Variants in ATAD2 observed in about 807,000 individuals in gnomAD.
The protein encoded by ATAD2 is ATPase family AAA domain-containing protein 2.
In ATAD2, 62 loss-of-function variants were observed where a neutral mutation model predicts 168.9. That is an observed-to-expected ratio of 0.37 (90% confidence interval 0.30 to 0.45). The LOEUF is 0.45. Among genes scored for constraint, ATAD2 ranks in the 20% least tolerant of loss-of-function variants. The pLI, the probability that ATAD2 is intolerant of heterozygous loss-of-function variation, is 1.00. For synonymous variants in ATAD2, 613 were observed against 571.6 expected (o/e 1.07, Z -1.03); for missense variants, 1,419 against 1,667.8 (o/e 0.85, Z 2.60).
rs1263211716 is a variant in ATAD2, at chr8:123,328,421, T to A, written c.3637A>T (p.Asn1213Tyr). 1.3e-6 allele frequency: 2 copies of A among 1,585,722 alleles called. No homozygotes were observed. Among genetic ancestry groups the A allele is most frequent in the African/African-American group, 2.8e-5 (2 of 72,144 alleles). The change falls in exon 25 of 28, where the codon AAT becomes TAT. Residue 1213 changes from asparagine (N) to tyrosine (Y), a missense_variant. Coordinates refer to ENST00000287394, the MANE Select transcript of ATAD2 (RefSeq NM_014109.4). ...GACTCTCCTGTGTTTCCGGTCTCAT[T>A]ATGATCTACACTTGTGTCTTGAGTT... ...EETQDTSVDH[N>Y]ETGNTGESSV...
chr8:123,353,193 G>A (rs775971557), intron 13 of ATAD2, among the ~76,000 whole-genome samples: 6 of 152,086 alleles, frequency 3.9e-5, no homozygotes, highest in African/African-American at 7.2e-5. Context: ...GCAAAACCCC[G>A]TCTCTACTAA....
chr8:123,383,724 G>A (rs569316906), intron 1 of ATAD2, among the ~76,000 whole-genome samples: 3 of 151,552 alleles, frequency 2.0e-5, no homozygotes, highest in African/African-American at 7.3e-5. Context: ...GGTGAGCCGG[G>A]ATCGTGCCAT....
chr8:123,336,121 G>A (rs531528626), intron 22 of ATAD2, among the ~76,000 whole-genome samples: 1 of 152,198 alleles, frequency 6.6e-6, no homozygotes, highest in Admixed American at 6.5e-5. Context: ...TCATGTAATT[G>A]TTAATAAACA....
rs58362261 is a variant in ATAD2, at chr8:123,362,300, T to TA, written c.1050-655dup. Among the ~76,000 whole-genome samples, 153 of 133,734 alleles carry TA rather than the reference T, an allele frequency of 1.1e-3. 1 individual carries two copies. Among genetic ancestry groups the TA allele is most frequent in the South Asian group, 6.9e-3 (28 of 4,076 alleles). The allele number at this position is 133,734 out of a possible 152,430, so 87.7% of individuals were successfully genotyped here. A position where few individuals can be genotyped will look rare whatever the true frequency, so the allele number is the denominator to read the frequency against. On this transcript the variant is annotated intron_variant, in intron 8 of 27. Coordinates refer to ENST00000287394, the MANE Select transcript of ATAD2 (RefSeq NM_014109.4). Reference sequence around the variant, plus strand: ...GACAAAGTAAGCCCCTGCCTCTATCTAAAAAAAAAAAAAAAAAAGTATTTG... The same window carrying TA: ...GACAAAGTAAGCCCCTGCCTCTATCTAAAAAAAAAAAAAAAAAAAGTATTTG...
At chr8:123,372,717 A>C in intron 2 of ATAD2, 31 bp from the exon 3 acceptor site, 1 of 1,496,228 alleles carries the variant, frequency 6.7e-7, no homozygotes, top group Non-Finnish European at 9.1e-7. Flanking sequence ...TTAATTCAAA[A>C]TAATTGACAT....
At chr8:123,386,004 T>A (rs2129900144) in intron 1 of ATAD2, among the ~76,000 whole-genome samples, 1 of 150,388 alleles carries the variant, frequency 6.6e-6, no homozygotes, top group Admixed American at 6.6e-5. Flanking sequence ...TTCACACACA[T>A]TAGGATGGCT....
At chr8:123,409,759 G>C (rs190465165) in intron 1 of ATAD2, among the ~76,000 whole-genome samples, 153 of 151,932 alleles carry the variant, frequency 1.0e-3, no homozygotes, top group African/African-American at 3.6e-3. Flanking sequence ...CCTGGGGTTG[G>C]TTTAGTTTTG....
chr8:123,411,527 C>T (rs1052424839), intron 1 of ATAD2, among the ~76,000 whole-genome samples: 4 of 152,116 alleles, frequency 2.6e-5, no homozygotes, highest in Admixed American at 2.0e-4. Context: ...CCTTTAAACA[C>T]GGGGCTTGCA....
chr8:123,387,672 A>G (rs1367697849), intron 1 of ATAD2, among the ~76,000 whole-genome samples: 1 of 152,210 alleles, frequency 6.6e-6, no homozygotes, highest in African/African-American at 2.4e-5. Flanking sequence ...AAGAGAGGAA[A>G]TGTTAGTATT....
chr8:123,371,711 A>T lies in ATAD2; in HGVS notation c.495T>A (p.Ser165Arg). 1 of 1,613,360 alleles carries T rather than the reference A, an allele frequency of 6.2e-7. No homozygotes were observed. The highest frequency in any genetic ancestry group is 8.5e-7 in the Non-Finnish European group (1 of 1,179,718). The change falls in exon 4 of 28, where the codon AGT becomes AGA. Residue 165 changes from serine (S) to arginine (R), a missense_variant. Transcript: ENST00000287394. ...RRSCRIRSRY[S>R]GVNQSMLFDK... ...CAAACAGCATGGACTGGTTTACACCACTATAACGACTTCTAATCCTACAAC... is the reference window on the plus strand; with the variant it reads ...CAAACAGCATGGACTGGTTTACACCTCTATAACGACTTCTAATCCTACAAC...
At chr8:123,321,215 A>C in intron 27 of ATAD2, 40 bp from the exon 28 acceptor site, 1 of 1,528,948 alleles carries the variant, frequency 6.5e-7, no homozygotes, top group Non-Finnish European at 9.0e-7. Context: ...AAGTTTCAAT[A>C]TGGAATAAGC....
At chr8:123,336,573 A>G in intron 21 of ATAD2, 41 bp from the exon 22 acceptor site, 1 of 1,440,018 alleles carries the variant, frequency 6.9e-7, no homozygotes, top group Non-Finnish European at 9.1e-7. Context: ...AATTAACTCT[A>G]AACATAACAT....
At chr8:123,395,189 A>G (rs1812768173) in intron 1 of ATAD2, among the ~76,000 whole-genome samples, 1 of 151,890 alleles carries the variant, frequency 6.6e-6, no homozygotes. Flanking sequence ...TCACTCCAAC[A>G]CCTTCAGTCC....
intron 2 of ATAD2, among the ~76,000 whole-genome samples, chr8:123,380,147 G>C (rs928998632): frequency 1.3e-5 from 2 of 151,836 alleles, no homozygotes; most frequent in African/African-American, 4.8e-5. Flanking sequence ...CGCCTCCTGG[G>C]TTCACGCCAT....
intron 24 of ATAD2, among the ~76,000 whole-genome samples, chr8:123,332,182 T>G (rs1196740567): frequency 6.6e-6 from 1 of 152,216 alleles, no homozygotes; most frequent in Non-Finnish European, 1.5e-5. Flanking sequence ...TGATTCAATC[T>G]GCAAGTTTTT....
chr8:123,366,886 A>G (rs898657381), intron 8 of ATAD2, among the ~76,000 whole-genome samples: 1 of 152,196 alleles, frequency 6.6e-6, no homozygotes, highest in Non-Finnish European at 1.5e-5. Context: ...ACCTACGGAA[A>G]TAAAAAATTT....
intron 2 of ATAD2, among the ~76,000 whole-genome samples, chr8:123,380,153 G>A (rs576212686): frequency 7.9e-5 from 12 of 152,030 alleles, no homozygotes; most frequent in African/African-American, 2.2e-4. Flanking sequence ...CTGGGTTCAC[G>A]CCATTCTCCT....
intron 7 of ATAD2, 109 bp from the exon 8 acceptor site, chr8:123,369,284 T>C (rs1829068177): frequency 9.2e-6 from 3 of 326,148 alleles, no homozygotes; most frequent in Admixed American, 5.0e-5. Flanking sequence ...AAGGTGCTTA[T>C]CGCCTTCCAT....
In ATAD2 at chr8:123,334,235, A is replaced by T; in HGVS notation, c.3299T>A (p.Leu1100His). Residue 1100 changes from leucine (L) to histidine (H), a missense_variant, in exon 23 of 28, where the codon CTC becomes CAC. Leu to His is a moderately conservative substitution (Grantham distance 99). Coordinates refer to ENST00000287394, the MANE Select transcript of ATAD2 (RefSeq NM_014109.4). ...KEELDEDFEQLCEEIQESRKK... is the reference protein window; with the variant it reads ...KEELDEDFEQHCEEIQESRKK... ...TCTAGATTCCTGAATTTCTTCACAGAGCTGCTCAAAGTCTTCATCAAGTTC... is the reference window on the plus strand; with the variant it reads ...TCTAGATTCCTGAATTTCTTCACAGTGCTGCTCAAAGTCTTCATCAAGTTC... 2 of 1,602,388 alleles carry T rather than the reference A, an allele frequency of 1.2e-6. No homozygotes were observed. Among genetic ancestry groups the T allele is most frequent in the Non-Finnish European group, 1.7e-6 (2 of 1,176,998 alleles).
Sources: gnomAD v4.1 joint callset for allele counts (sites outside exome capture counted in the v4.1 genomes callset) on GRCh38, gnomAD v4.1.1 for gene constraint, MANE v1.5 for transcripts, NCBI Gene and HGNC (gene_info 2026-07-23, HGNC 2026-07-21) for gene names.